Variants in ANXA4 observed in about 807,000 individuals in gnomAD.
ANXA4 encodes the protein 35-beta calcimedin.
A neutral mutation model predicts 49.8 loss-of-function variants in ANXA4; 39 were observed. The observed-to-expected ratio is 0.78, with a 90% CI of 0.61 to 1.02. The LOEUF (loss-of-function observed/expected upper bound fraction) is 1.02, where lower values mean the gene tolerates loss of function less well. Among genes scored for constraint, ANXA4 ranks in the 50% least tolerant of loss-of-function variants. The pLI, the probability that ANXA4 is intolerant of heterozygous loss-of-function variation, is 0.00. For synonymous variants in ANXA4, 134 were observed against 152.5 expected (o/e 0.88, Z 0.89); for missense variants, 360 against 410.1 (o/e 0.88, Z 1.05).
At chr2:69,773,698 C>T (rs1387644069) in intron 1 of ANXA4, among the ~76,000 whole-genome samples, 2 of 124,402 alleles carry the variant, frequency 1.6e-5, no homozygotes, top group African/African-American at 6.1e-5. Context: ...GTGGCGTGAT[C>T]TCAGCTCACT....
At chr2:69,755,455 A>G (rs1671006432) in intron 1 of ANXA4, among the ~76,000 whole-genome samples, 1 of 152,170 alleles carries the variant, frequency 6.6e-6, no homozygotes, top group Admixed American at 6.5e-5. Flanking sequence ...CCCTGTCCCT[A>G]CAAAAATTAG....
intron 2 of ANXA4, among the ~76,000 whole-genome samples, chr2:69,695,871 T>TA (rs1393391318): frequency 1.3e-5 from 2 of 152,096 alleles, no homozygotes; most frequent in African/African-American, 2.4e-5. Context: ...CATTACGTCT[T>TA]AAAAAAGTAT....
intron 2 of ANXA4, among the ~76,000 whole-genome samples, chr2:69,693,337 C>T (rs570300598): frequency 2.0e-5 from 3 of 152,008 alleles, no homozygotes; most frequent in East Asian, 1.9e-4. Context: ...AAGGGAAGGC[C>T]GGAGAAGGAG....
intron 8 of ANXA4, among the ~76,000 whole-genome samples, chr2:69,813,879 T>A (rs1673825037): frequency 6.7e-6 from 1 of 149,774 alleles, no homozygotes; most frequent in African/African-American, 2.5e-5. Flanking sequence ...CACCTCAGCC[T>A]CCTGAGTATC....
intron 3 of ANXA4, among the ~76,000 whole-genome samples, chr2:69,728,733 TG>T (rs1471615443): frequency 6.6e-6 from 1 of 152,266 alleles, no homozygotes; most frequent in East Asian, 1.9e-4. Flanking sequence ...TTTCTCTATC[TG>T]TATATGAATA....
intron 2 of ANXA4, among the ~76,000 whole-genome samples, chr2:69,713,122 CCA>C (rs1489512828): frequency 2.0e-5 from 3 of 152,090 alleles, no homozygotes; most frequent in Non-Finnish European, 2.9e-5. Flanking sequence ...TTACTCTCAA[CCA>C]CCACCCTGCT....
chr2:69,757,002 C>T (rs1671063627), intron 1 of ANXA4, among the ~76,000 whole-genome samples: 1 of 148,900 alleles, frequency 6.7e-6, no homozygotes, highest in Non-Finnish European at 1.5e-5. Flanking sequence ...TCTCGGCTCA[C>T]TACAACCTCC....
chr2:69,764,209 T>C (rs974652017), intron 1 of ANXA4, among the ~76,000 whole-genome samples: 2 of 152,170 alleles, frequency 1.3e-5, no homozygotes, highest in Admixed American at 1.3e-4. Flanking sequence ...TCCTGTGTGA[T>C]CAACCTGTTG....
chr2:69,656,411 G>GTGTATATATATGTATATATATGTA (rs1676494211), intron 2 of ANXA4, among the ~76,000 whole-genome samples: 1 of 126,782 alleles, frequency 7.9e-6, no homozygotes, highest in Non-Finnish European at 1.6e-5. Flanking sequence ...GTATATATAT[G>GTGTATATATATGTATATATATGTA]TATATATATA....
chr2:69,739,328 G>C (rs1251637709), upstream of ANXA4, among the ~76,000 whole-genome samples: 2 of 151,988 alleles, frequency 1.3e-5, no homozygotes, highest in Middle Eastern at 3.2e-3. Flanking sequence ...GTGCTTTCCA[G>C]GTTCCAAACT....
chr2:69,694,842 T>C (rs1678108219), intron 2 of ANXA4, among the ~76,000 whole-genome samples: 1 of 152,100 alleles, frequency 6.6e-6, no homozygotes, highest in African/African-American at 2.4e-5. Context: ...CCCAGGCTGG[T>C]CTCAAACTGC....
At chr2:69,683,834 T>C (rs1677689172) in intron 2 of ANXA4, among the ~76,000 whole-genome samples, 1 of 152,242 alleles carries the variant, frequency 6.6e-6, no homozygotes, top group Non-Finnish European at 1.5e-5. Context: ...CAGCTGGTTA[T>C]GGCAGAACAA....
intron 2 of ANXA4, among the ~76,000 whole-genome samples, chr2:69,717,880 T>C (rs1340052004): frequency 6.6e-6 from 1 of 152,182 alleles, no homozygotes; most frequent in Non-Finnish European, 1.5e-5. Flanking sequence ...ACACAACCTA[T>C]GCACTCCCTT....
intron 2 of ANXA4, among the ~76,000 whole-genome samples, chr2:69,669,740 A>G (rs1208974505): frequency 1.3e-5 from 2 of 152,140 alleles, no homozygotes; most frequent in Admixed American, 6.5e-5. Flanking sequence ...CATAGTTTAT[A>G]TAATCTAATC....
chr2:69,721,000 T>C (rs1669797522), intron 3 of ANXA4: 1 of 152,278 alleles, frequency 6.6e-6, no homozygotes, highest in Non-Finnish European at 1.5e-5. Context: ...TTTGAATTCA[T>C]TGCCATTATT....
chr2:69,776,618 G>A (rs530480740), intron 1 of ANXA4, among the ~76,000 whole-genome samples: 39 of 152,274 alleles, frequency 2.6e-4, no homozygotes, highest in African/African-American at 9.1e-4. Context: ...ACACTATCAA[G>A]TTAGCACAGA....
intron 2 of ANXA4, among the ~76,000 whole-genome samples, chr2:69,670,827 C>A (rs1677151460): frequency 6.6e-6 from 1 of 151,818 alleles, no homozygotes; most frequent in African/African-American, 2.4e-5. Flanking sequence ...GAGTTTGAGA[C>A]CAGCCTGAGC....
chr2:69,716,738 G>A (rs768644287), intron 2 of ANXA4, among the ~76,000 whole-genome samples: 5 of 152,136 alleles, frequency 3.3e-5, no homozygotes, highest in Non-Finnish European at 5.9e-5. Context: ...ATGACTCGAC[G>A]TTTTTGACTT....
chr2:69,741,693 C>T (rs1670401870), upstream of ANXA4, among the ~76,000 whole-genome samples: 1 of 152,214 alleles, frequency 6.6e-6, no homozygotes, highest in South Asian at 2.1e-4. Context: ...GGATTTGCCG[C>T]GGGACTCCGG....
Sources: allele counts gnomAD v4.1 joint callset (sites outside exome capture counted in the v4.1 genomes callset), GRCh38; gene constraint gnomAD v4.1.1; transcripts MANE v1.5; gene names NCBI Gene and HGNC (gene_info 2026-07-23, HGNC 2026-07-21).